Variants in MAOB observed in about 807,000 individuals in gnomAD.
MAOB encodes amine oxidase [flavin-containing] B.
MAOB carries 15 observed loss-of-function variants against 41.9 expected under a neutral mutation model. The ratio of observed to expected loss-of-function variants is 0.36; its 90% CI spans 0.24 to 0.55. The LOEUF is 0.55. MAOB is among the 20% of genes least tolerant of loss of function. MAOB has a pLI of 0.86. For synonymous variants in MAOB, 167 were observed against 144.2 expected (o/e 1.16, Z -1.13); for missense variants, 345 against 398.7 (o/e 0.87, Z 1.15).
chrX:43,856,987 T>C (rs1602029329), intron 1 of MAOB, among the ~76,000 whole-genome samples: 1 of 99,736 alleles, frequency 1.0e-5, no homozygotes, highest in East Asian at 3.3e-4. Context: ...GTAAAAGCAT[T>C]GGATCCAGGG....
intron 3 of MAOB, among the ~76,000 whole-genome samples, chrX:43,834,637 C>A (rs1387709420): frequency 9.0e-6 from 1 of 111,594 alleles, no homozygotes; most frequent in East Asian, 2.8e-4. Flanking sequence ...GAGTTGTCAG[C>A]AAGACTGAGG....
At chrX:43,844,066 C>T in intron 1 of MAOB, 1 of 345,323 alleles carries the variant, frequency 2.9e-6, no homozygotes, top group South Asian at 1.3e-4. Context: ...GAACACAAGG[C>T]CATGCTCAAG....
chrX:43,804,493 TATAGATAC>T (rs1281381120), intron 3 of MAOB, among the ~76,000 whole-genome samples: 5 of 110,437 alleles, frequency 4.5e-5, no homozygotes, highest in African/African-American at 9.9e-5. Context: ...TACATAGATA[TATAGATAC>T]ATAGATACAT....
chrX:43,792,987 A>G (rs2034481673), intron 8 of MAOB, among the ~76,000 whole-genome samples: 1 of 112,326 alleles, frequency 8.9e-6, no homozygotes. Flanking sequence ...AGCATGGAAT[A>G]CTATGCAGCC....
chrX:43,793,678 T>C, intron 7 of MAOB, 100 bp from the exon 8 acceptor site: 1 of 722,060 alleles, frequency 1.4e-6, no homozygotes, highest in Non-Finnish European at 2.0e-6. Flanking sequence ...TTTCAGTCTC[T>C]TAAAGAAGTG....
In MAOB at chrX:43,803,313, T is replaced by G. The variant is rs780074639; in HGVS notation, c.371A>C (p.Asp124Ala). 1.1e-5 allele frequency: 13 copies of G among 1,154,351 alleles called. No individual in the cohort carries two copies. The African/African-American group carries it at 1.9e-4, about 16-fold the overall frequency. ...AAGAAGCTTTACCTCTCGCCCCATG[T>G]CATCCATTGTCCTCCAAAAGTTGTT... ...DHNNFWRTMD[D>A]MGREIPSDAP... The change falls in exon 4 of 15, where the codon GAC becomes GCC. Residue 124 changes from aspartate (D) to alanine (A), a missense_variant. Coordinates refer to ENST00000378069, the MANE Select transcript of MAOB (RefSeq NM_000898.5).
intron 2 of MAOB, among the ~76,000 whole-genome samples, chrX:43,843,451 T>C (rs1293724184): frequency 9.3e-6 from 1 of 107,233 alleles, no homozygotes; most frequent in African/African-American, 3.4e-5. Context: ...TACTCAATCC[T>C]AACTCTATGA....
chrX:43,770,882 C>A (rs2034173833), intron 12 of MAOB, among the ~76,000 whole-genome samples: 2 of 112,065 alleles, frequency 1.8e-5, no homozygotes, highest in South Asian at 7.5e-4. Context: ...GTAAGAGGGG[C>A]AGTTCATTGT....
Position 43,773,025 on chromosome X carries a change from C to T in MAOB, c.1235+2150G>A, listed in dbSNP as rs183075215. 2.6e-4 allele frequency among the ~76,000 whole-genome samples: 29 copies of T among 112,117 alleles called. No homozygotes were observed. The East Asian group carries it at 8.2e-3, about 32-fold the overall frequency. On this transcript the variant is annotated intron_variant, in intron 12 of 14. Coordinates refer to ENST00000378069, the MANE Select transcript of MAOB (RefSeq NM_000898.5). The stretch of plus-strand genomic sequence containing the variant: ...TTTTTCTTTATAAGTTCCCCAGACT[C>T]AGGTATTTATTTTAAGCAATGCAAG...
At chrX:43,839,607 GA>G (rs1316213490) in intron 2 of MAOB, among the ~76,000 whole-genome samples, 2 of 111,857 alleles carry the variant, frequency 1.8e-5, no homozygotes, top group Admixed American at 9.5e-5. Context: ...CTACCAGTTA[GA>G]AACACTAGAA....
rs766202559 is a variant in MAOB, at chrX:43,778,161, G to A, written c.1137+521C>T. ...TCTCTCATGTTCAAGGGTAAAACAA[G>A]GCAGAAAAGAGGGCATGCAGGAGTG... is the stretch of plus-strand genomic sequence containing the variant. On this transcript the variant is annotated intron_variant, in intron 11 of 14. Coordinates refer to ENST00000378069, the MANE Select transcript of MAOB (RefSeq NM_000898.5). Among the ~76,000 whole-genome samples, 67 of 111,461 alleles carry A rather than the reference G, an allele frequency of 6.0e-4. 1 individual carries two copies. In the South Asian group the frequency reaches 0.01, roughly 17 times the overall value.
intron 1 of MAOB, among the ~76,000 whole-genome samples, chrX:43,856,845 AG>A (rs752790004): frequency 1.8e-5 from 2 of 108,438 alleles, no homozygotes; most frequent in Non-Finnish European, 3.8e-5. Flanking sequence ...AGGGTGACAG[AG>A]ACAGAGAAAA....
In MAOB at chrX:43,809,636, A is replaced by G. The variant is rs1008720411; in HGVS notation, c.280-6232T>C. Among the ~76,000 whole-genome samples the G allele has an allele frequency of 2.7e-5, 3 of 112,101 alleles. No homozygotes were observed. The East Asian group carries it at 8.5e-4, about 32-fold the overall frequency. ...AGGAAATGTCTAAGTTTATAAGATT[A>G]CACAATCTGAGGCAAGAGTTTTGTG... On this transcript the variant is annotated intron_variant, in intron 3 of 14. Transcript: ENST00000378069.
chrX:43,878,401 C>G (rs1341829103), intron 1 of MAOB, among the ~76,000 whole-genome samples: 1 of 79,432 alleles, frequency 1.3e-5, no homozygotes, highest in African/African-American at 4.8e-5. Flanking sequence ...TCCTCTATAC[C>G]CAGCCTTTGT....
At chrX:43,850,206 G>A (rs1205444836) in intron 1 of MAOB, 3 of 248,105 alleles carry the variant, frequency 1.2e-5, no homozygotes, top group Non-Finnish European at 1.7e-5. Context: ...TGTTGCCTCA[G>A]CCTTATTACC....
At chrX:43,850,617 A>G (rs895623130) in intron 1 of MAOB, 1 of 226,152 alleles carries the variant, frequency 4.4e-6, no homozygotes, top group Admixed American at 9.4e-5. Flanking sequence ...GATGTTATTC[A>G]TGTCTTGTCC....
chrX:43,830,047 G>A lies in MAOB; in HGVS notation c.279+8821C>T, dbSNP rs12389578. Among the ~76,000 whole-genome samples the A allele has an allele frequency of 5.5e-3, 609 of 111,365 alleles. 3 individuals carry two copies. Among genetic ancestry groups the A allele is most frequent in the African/African-American group, 0.019 (575 of 30,676 alleles). On this transcript the variant is annotated intron_variant, in intron 3 of 14. Coordinates refer to ENST00000378069, the MANE Select transcript of MAOB (RefSeq NM_000898.5). ...GATTACAAGTTTAAATAATATTTTG[G>A]ATATACTGGGTTAAATAAAATGTAT...
chrX:43,787,261 A>G lies in MAOB; in HGVS notation c.929-5717T>C, dbSNP rs559586271. ...AAAATAAGTCAATAGAAGCTTTTGTAATGTAGGGGTGTGGAGGCAGGAGCT... is the reference window on the plus strand; with the variant it reads ...AAAATAAGTCAATAGAAGCTTTTGTGATGTAGGGGTGTGGAGGCAGGAGCT... On this transcript the variant is annotated intron_variant, in intron 8 of 14. Coordinates refer to ENST00000378069, the MANE Select transcript of MAOB (RefSeq NM_000898.5). 3.6e-5 allele frequency among the ~76,000 whole-genome samples: 4 copies of G among 111,503 alleles called. No individual in the cohort carries two copies. The South Asian group carries it at 1.5e-3, about 42-fold the overall frequency.
At chrX:43,825,174 G>A (rs760340830) in intron 3 of MAOB, among the ~76,000 whole-genome samples, 6 of 111,561 alleles carry the variant, frequency 5.4e-5, no homozygotes, top group African/African-American at 1.6e-4. Context: ...TATTTACACC[G>A]TGCAAAATCT....
Sources: allele counts gnomAD v4.1 joint callset (sites outside exome capture counted in the v4.1 genomes callset), GRCh38; gene constraint gnomAD v4.1.1; transcripts MANE v1.5; gene names NCBI Gene and HGNC (gene_info 2026-07-23, HGNC 2026-07-21).